Variants in SI observed in about 807,000 individuals in gnomAD.
The protein encoded by SI is sucrase-isomaltase.
A neutral mutation model predicts 253.3 loss-of-function variants in SI; 235 were observed. The ratio of observed to expected loss-of-function variants is 0.93; its 90% CI spans 0.83 to 1.03. The LOEUF (loss-of-function observed/expected upper bound fraction) is 1.03. Among genes scored for constraint, SI ranks in the 50% least tolerant of loss-of-function variants. The probability of loss-of-function intolerance (pLI) is 0.00; values close to 1 mark genes in which losing one functional copy is unlikely to be tolerated. For synonymous variants in SI, 819 were observed against 712.0 expected (o/e 1.15, Z -2.39); for missense variants, 2,442 against 2,211.1 (o/e 1.10, Z -2.09).
chr3:164,989,369 A>G lies in SI; in HGVS notation c.5108+1984T>C, dbSNP rs188681732. On this transcript the variant is annotated intron_variant, in intron 44 of 47. Transcript: ENST00000264382. ...AGAGAGAAAGAAGAAAGAAAGAAAG[A>G]AAGGAAGAAAGAAAGAAAGGAAGAA... Among the ~76,000 whole-genome samples the G allele has an allele frequency of 4.6e-3, 544 of 118,936 alleles. 3 individuals carry two copies. Among genetic ancestry groups the G allele is most frequent in the African/African-American group, 0.017 (517 of 29,686 alleles). 78.0% of individuals were successfully genotyped at this position (118,936 alleles called of 152,430 possible).
intron 13 of SI, among the ~76,000 whole-genome samples, chr3:165,053,817 A>C (rs564319344): frequency 1.3e-5 from 2 of 152,272 alleles, no homozygotes; most frequent in Admixed American, 1.3e-4. Context: ...AGAAAAAAAT[A>C]AAAGACTAAA....
At chr3:165,064,009 G>A (rs1046409689) in intron 7 of SI, among the ~76,000 whole-genome samples, 2 of 151,258 alleles carry the variant, frequency 1.3e-5, no homozygotes, top group South Asian at 2.1e-4. Context: ...GGCGGAGGTC[G>A]CAGTGATTTG....
chr3:164,989,495 G>A (rs1177219549), intron 44 of SI, among the ~76,000 whole-genome samples: 1 of 151,848 alleles, frequency 6.6e-6, no homozygotes, highest in Admixed American at 6.6e-5. Context: ...GAAGAAATGA[G>A]AAGAGAAAGA....
intron 7 of SI, among the ~76,000 whole-genome samples, chr3:165,064,753 T>C (rs565356943): frequency 2.0e-4 from 30 of 152,180 alleles, no homozygotes; most frequent in Admixed American, 2.6e-4. Flanking sequence ...TGCTGAATGA[T>C]ATATGAGTGA....
chr3:165,065,444 A>C lies in SI; in HGVS notation c.636-12T>G. On this transcript the variant is annotated splice_polypyrimidine_tract_variant and intron_variant, in intron 6 of 47. Coordinates refer to ENST00000264382, the MANE Select transcript of SI (RefSeq NM_001041.4). ...TGCTGGTGTCAAACCTGCACCATAA[A>C]AGAAATAAAGAAATAATCTAATATA... The C allele has an allele frequency of 2.3e-6, 2 of 871,688 alleles. No homozygotes were observed. Among genetic ancestry groups the C allele is most frequent in the East Asian group, 5.0e-5 (1 of 19,984 alleles). 54.0% of individuals were successfully genotyped at this position (871,688 alleles called of 1,614,324 possible).
Position 165,017,999 on chromosome 3 carries a change from C to T in SI, c.3491G>A (p.Gly1164Asp). Residue 1164 changes from glycine to aspartate, a missense_variant, in exon 29 of 48, where the codon GGT (glycine) becomes GAT (aspartate). Transcript: ENST00000264382. ...TGCATTGCTGTTGAGTAAGAAAACA[C>T]CATGAGCATTGCCCTCCTCTTCCAG... ...MALEEEGNAHGVFLLNSNAMD... is the reference protein window; with the variant it reads ...MALEEEGNAHDVFLLNSNAMD... The T allele has an allele frequency of 2.5e-6, 4 of 1,611,346 alleles. No homozygotes were observed. The highest frequency in any genetic ancestry group is 3.4e-6 in the Non-Finnish European group (4 of 1,177,758).
At chr3:165,016,317 T>C (rs1237660248) in intron 31 of SI, among the ~76,000 whole-genome samples, 2 of 151,970 alleles carry the variant, frequency 1.3e-5, no homozygotes, top group Admixed American at 6.6e-5. Flanking sequence ...CATTTAGTCA[T>C]TTTGATTTAG....
intron 32 of SI, among the ~76,000 whole-genome samples, chr3:165,015,683 G>A (rs532774291): frequency 1.3e-5 from 2 of 151,980 alleles, no homozygotes; most frequent in African/African-American, 2.4e-5. Context: ...ATAAATAGAG[G>A]CCAATTTGTA....
intron 37 of SI, among the ~76,000 whole-genome samples, chr3:165,006,206 C>A (rs1718502185): frequency 2.0e-5 from 3 of 152,116 alleles, no homozygotes; most frequent in African/African-American, 4.8e-5. Flanking sequence ...CCGCCCAGGT[C>A]CAAGCGATTC....
Position 165,063,517 on chromosome 3 carries a change from G to A in SI, c.832C>T (p.Gln278Ter), listed in dbSNP as rs754468827. The change falls in exon 8 of 48, where the codon CAA becomes TAA. Residue 278 changes from glutamine (Q) to a stop codon, truncating the protein, a stop_gained. Transcript: ENST00000264382. LOFTEE classifies it high-confidence loss of function. ...GDNNNNLYGH[Q>*]TFFMCIEDTS... Reference sequence around the variant, plus strand: ...TCTTCAATACACATAAAGAATGTTTGATGGCCGTATAAATTATTATTATTC... The same window carrying A: ...TCTTCAATACACATAAAGAATGTTTAATGGCCGTATAAATTATTATTATTC... The A allele has an allele frequency of 2.1e-5, 32 of 1,534,234 alleles. No individual in the cohort carries two copies. Among genetic ancestry groups the A allele is most frequent in the Non-Finnish European group, 2.8e-5 (31 of 1,117,242 alleles).
At chr3:165,082,830 G>A (rs1715382549), upstream of SI, among the ~76,000 whole-genome samples, 1 of 151,968 alleles carries the variant, frequency 6.6e-6, no homozygotes, top group Non-Finnish European at 1.5e-5. Context: ...GAACTCAAAT[G>A]TGGTCAAACA....
the SI span, among the ~76,000 whole-genome samples, chr3:165,089,694 C>T: frequency 2.0e-5 from 3 of 152,084 alleles, no homozygotes; most frequent in African/African-American, 7.2e-5. Context: ...TCCTCAGGGT[C>T]TCTGATGAGG....
Position 164,992,310 on chromosome 3 carries a change from T to C in SI, c.4926+3A>G, listed in dbSNP as rs781592411. ...GTAAACAAAAATATGTGGTAGGACT[T>C]ACAGGTTCCAGTACTGGGGTAACCA... On this transcript the variant is annotated splice_donor_region_variant and intron_variant, in intron 42 of 47. Coordinates refer to ENST00000264382, the MANE Select transcript of SI (RefSeq NM_001041.4). The C allele has an allele frequency of 1.9e-6, 3 of 1,612,748 alleles. No individual in the cohort carries two copies. The highest frequency in any genetic ancestry group is 2.5e-6 in the Non-Finnish European group (3 of 1,178,912).
At chr3:165,058,136 T>A (rs1713790039) in intron 12 of SI, among the ~76,000 whole-genome samples, 1 of 152,002 alleles carries the variant, frequency 6.6e-6, no homozygotes, top group South Asian at 2.1e-4. Context: ...CAAGAATAAC[T>A]TTGGAAGCTA....
Position 165,018,659 on chromosome 3 carries a change from C to T in SI, c.3424-593G>A, listed in dbSNP as rs115755216. 5.5e-3 allele frequency among the ~76,000 whole-genome samples: 830 copies of T among 150,404 alleles called. 6 individuals are homozygous for T. Among genetic ancestry groups the T allele is most frequent in the African/African-American group, 0.019 (801 of 41,164 alleles). ...TTGATTCTTAATATATATAAAATTACCAGTGAAATAGATTTTATAGTAATT... is the reference window on the plus strand; with the variant it reads ...TTGATTCTTAATATATATAAAATTATCAGTGAAATAGATTTTATAGTAATT... On this transcript the variant is annotated intron_variant, in intron 28 of 47. Coordinates refer to ENST00000264382, the MANE Select transcript of SI (RefSeq NM_001041.4).
rs1393696016 is a variant in SI at position 164,979,282 on chromosome 3, T to C, written c.*80A>G. 1 of 850,564 alleles carries C rather than the reference T, an allele frequency of 1.2e-6. No homozygotes were observed. Among genetic ancestry groups the C allele is most frequent in the South Asian group, 1.3e-5 (1 of 76,038 alleles). The allele number at this position is 850,564 out of a possible 1,614,324, so 52.7% of individuals were successfully genotyped here. On this transcript the variant is annotated 3_prime_UTR_variant, in exon 48 of 48. Coordinates refer to ENST00000264382, the MANE Select transcript of SI (RefSeq NM_001041.4). ...TATTTTGTAGAGTACAAGAACCAAG[T>C]GAAGAGGGAAAATTGTAAGTGCTGT...
intron 47 of SI, among the ~76,000 whole-genome samples, chr3:164,980,648 A>G (rs1051515344): frequency 6.6e-6 from 1 of 151,974 alleles, no homozygotes; most frequent in Admixed American, 6.6e-5. Context: ...CACTGAGGTA[A>G]TGAAACACTG....
intron 25 of SI, among the ~76,000 whole-genome samples, chr3:165,026,492 T>C (rs1711928519): frequency 6.6e-6 from 1 of 151,316 alleles, no homozygotes; most frequent in South Asian, 2.1e-4. Flanking sequence ...ACTTAACAGA[T>C]ATTTACAGAA....
At chr3:165,028,649 C>T (rs1000265815) in intron 25 of SI, among the ~76,000 whole-genome samples, 5 of 150,388 alleles carry the variant, frequency 3.3e-5, no homozygotes, top group African/African-American at 1.2e-4. Flanking sequence ...CTTAGAGCCA[C>T]CTGATCTTCG....
Sources: gnomAD v4.1 joint callset for allele counts (sites outside exome capture counted in the v4.1 genomes callset) on GRCh38, gnomAD v4.1.1 for gene constraint, MANE v1.5 for transcripts, NCBI Gene and HGNC (gene_info 2026-07-23, HGNC 2026-07-21) for gene names.